DNAAF1: variants seen among roughly 807,000 people sequenced by gnomAD.
DNAAF1 encodes the protein dynein assembly factor 1, axonemal.
DNAAF1 carries 65 observed loss-of-function variants against 71.1 expected under a neutral mutation model. The ratio of observed to expected loss-of-function variants is 0.91; its 90% confidence interval spans 0.75 to 1.12. The LOEUF (loss-of-function observed/expected upper bound fraction) is 1.12. DNAAF1 is among the 50% of genes most tolerant of loss of function. The pLI is 0.00. For synonymous variants in DNAAF1, 414 were observed against 354.6 expected, an observed-to-expected ratio of 1.17 and a Z score of -1.88; for missense variants, 1,178 against 899.8, an observed-to-expected ratio of 1.31 and a Z score of -3.96.
At chr16:84,158,040 C>A (rs1228431355) in intron 5 of DNAAF1, among the ~76,000 whole-genome samples, 2 of 152,000 alleles carry the variant, frequency 1.3e-5, no homozygotes, top group African/African-American at 2.4e-5. Context: ...ACCGTCTCTA[C>A]TAAAAATACA....
intron 5 of DNAAF1, chr16:84,159,126 C>G: frequency 1.0e-6 from 1 of 992,312 alleles, no homozygotes; most frequent in African/African-American, 1.7e-5. Context: ...TTGCCGAGCC[C>G]CTTCCTCCTC....
In DNAAF1 at chr16:84,177,711, T is replaced by TCAC. The variant is rs1363376713; in HGVS notation, c.2066-16_2066-14dup. 1 of 1,606,850 alleles carries TCAC rather than the reference T, an allele frequency of 6.2e-7. No homozygotes were observed. The highest frequency in any genetic ancestry group is 8.5e-7 in the Non-Finnish European group (1 of 1,174,072). ...CACAGTGACAGGGAGAAAGCACAGG[T>TCAC]CACCCTTCCTTCCACAGTGCCGACT... On this transcript the variant is annotated splice_polypyrimidine_tract_variant and intron_variant, in intron 11 of 11. Coordinates refer to ENST00000378553, the MANE Select transcript of DNAAF1 (RefSeq NM_178452.6).
rs747051175 is a variant in DNAAF1, at chr16:84,154,571, T to G, written c.353-6T>G. 30 of 1,613,762 alleles carry G rather than the reference T, an allele frequency of 1.9e-5. No individual in the cohort carries two copies. The highest frequency in any genetic ancestry group is 2.4e-5 in the Non-Finnish European group (28 of 1,179,946). On this transcript the variant is annotated splice_region_variant and splice_polypyrimidine_tract_variant and intron_variant, in intron 3 of 11. Coordinates refer to ENST00000378553, the MANE Select transcript of DNAAF1 (RefSeq NM_178452.6). ...GCTTAATTCCCACGTGCTTCCTTTT[T>G]GTTAGGTTTTGATCGCATTGAGAAC...
chr16:84,150,999 G>A (rs907306436), intron 3 of DNAAF1, among the ~76,000 whole-genome samples: 13 of 152,178 alleles, frequency 8.5e-5, no homozygotes, highest in African/African-American at 3.1e-4. Flanking sequence ...GCAGCTTGAT[G>A]TTGGAAACAA....
chr16:84,176,408 A>AG, intron 11 of DNAAF1, 109 bp downstream of exon 11: 1 of 1,532,144 alleles, frequency 6.5e-7, no homozygotes, highest in Non-Finnish European at 8.9e-7. Flanking sequence ...ATGTTGCTGG[A>AG]GGGGTCACCC....
chr16:84,166,634 A>G (rs1232889351), intron 7 of DNAAF1, among the ~76,000 whole-genome samples: 1 of 152,048 alleles, frequency 6.6e-6, no homozygotes, highest in African/African-American at 2.4e-5. Flanking sequence ...TGGCTTCCCA[A>G]AGTGCTGGGA....
At chr16:84,148,936 C>G (rs774920769) in intron 1 of DNAAF1, 71 bp from the exon 2 acceptor site, 7 of 1,572,404 alleles carry the variant, frequency 4.5e-6, no homozygotes, top group Non-Finnish European at 6.1e-6. Context: ...GGTCATTAAC[C>G]AAGCTGAAGT....
At chr16:84,171,281 C>T (rs2088328215) in intron 8 of DNAAF1, among the ~76,000 whole-genome samples, 1 of 152,092 alleles carries the variant, frequency 6.6e-6, no homozygotes, top group Non-Finnish European at 1.5e-5. Flanking sequence ...CCCGCAACCC[C>T]CAAGCCTCTA....
rs778547498 is a variant in DNAAF1 at position 84,172,283 on chromosome 16, A to C, written c.1552A>C (p.Thr518Pro). Residue 518 changes from threonine to proline, a missense_variant, in exon 9 of 12, where the codon ACT becomes CCT. By Grantham distance (38) the Thr-to-Pro change is conservative (BLOSUM62 -1). Transcript: ENST00000378553. ...AGAACCGACTCCCCAGGCTGTGGCC[A>C]CTGAGGGTGTATTCGTTACAGAACT... is the stretch of plus-strand genomic sequence containing the variant. ...REEPTPQAVATEGVFVTELDG... is the reference protein window; with the variant it reads ...REEPTPQAVAPEGVFVTELDG... The C allele has an allele frequency of 9.9e-6, 16 of 1,614,074 alleles. 1 individual carries two copies. Among genetic ancestry groups the C allele is most frequent in the Non-Finnish European group, 1.4e-5 (16 of 1,180,044 alleles).
At chr16:84,156,226 G>A (rs891943396) in intron 5 of DNAAF1, among the ~76,000 whole-genome samples, 1 of 152,212 alleles carries the variant, frequency 6.6e-6, no homozygotes, top group African/African-American at 2.4e-5. Context: ...ACCTCCCAAA[G>A]TGCTGGGATT....
intron 5 of DNAAF1, chr16:84,159,026 C>G: frequency 8.1e-6 from 8 of 987,088 alleles, no homozygotes; most frequent in Non-Finnish European, 9.6e-6. Flanking sequence ...CCACCATGCC[C>G]AGCCCCACTA....
At chr16:84,164,786 G>A (rs1209830023) in intron 6 of DNAAF1, among the ~76,000 whole-genome samples, 1 of 152,208 alleles carries the variant, frequency 6.6e-6, no homozygotes, top group African/African-American at 2.4e-5. Context: ...ATACTCAGGA[G>A]CACAATTGCT....
chr16:84,146,016 G>C (rs1349725466), intron 1 of DNAAF1, among the ~76,000 whole-genome samples: 1 of 152,126 alleles, frequency 6.6e-6, no homozygotes, highest in Non-Finnish European at 1.5e-5. Flanking sequence ...AGAATCGCTT[G>C]AACCCGGGAG....
chr16:84,148,133 C>T (rs1437102956), intron 1 of DNAAF1, among the ~76,000 whole-genome samples: 2 of 152,066 alleles, frequency 1.3e-5, no homozygotes, highest in Admixed American at 6.5e-5. Flanking sequence ...TACCCCACCC[C>T]GTTTCTAATC....
chr16:84,174,476 C>T (rs2151277603), intron 9 of DNAAF1, 193 bp from the exon 10 acceptor site: 1 of 1,466,884 alleles, frequency 6.8e-7, no homozygotes, highest in Non-Finnish European at 9.0e-7. Context: ...GATCCAGACA[C>T]CTGAGGTGGC....
rs570928611 is a variant in DNAAF1 at position 84,150,275 on chromosome 16, A to T, written c.285A>T (p.Lys95Asn). Residue 95 changes from lysine (K) to asparagine (N), a missense_variant, in exon 3 of 12, where the codon AAA becomes AAT. By Grantham distance (94) the Lys-to-Asn change is moderately conservative (BLOSUM62 0). Coordinates refer to ENST00000378553, the MANE Select transcript of DNAAF1 (RefSeq NM_178452.6). ...GAATGACTAAAAGTTCCCTGCAAAAACTCTGCAAGCAGCACAAGCTTTATA... is the reference window on the plus strand; with the variant it reads ...GAATGACTAAAAGTTCCCTGCAAAATCTCTGCAAGCAGCACAAGCTTTATA... ...GPRMTKSSLQ[K>N]LCKQHKLYIT... 24 of 1,613,852 alleles carry T rather than the reference A, an allele frequency of 1.5e-5. 2 individuals are homozygous for T. In the South Asian group the frequency reaches 2.2e-4, roughly 15 times the overall value.
intron 7 of DNAAF1, 37 bp downstream of exon 7, chr16:84,165,986 C>A: frequency 6.2e-7 from 1 of 1,606,274 alleles, no homozygotes; most frequent in African/African-American, 1.3e-5. Context: ...CCCAGAGTTC[C>A]TTTGAGATTA....
rs768037706 is a variant in DNAAF1, at chr16:84,154,809, C to T, written c.574+11C>T. 6 of 1,604,530 alleles carry T rather than the reference C, an allele frequency of 3.7e-6. No homozygotes were observed. The East Asian group carries it at 1.3e-4, about 36-fold the overall frequency. On this transcript the variant is annotated intron_variant, in intron 4 of 11. Transcript: ENST00000378553. ...CCATTGAAAACCTCTGTAAGGGTAC[C>T]CAGCAAGCAGTGTGTCTGTTTGCCA...
chr16:84,161,904 G>A (rs986974606), intron 6 of DNAAF1, among the ~76,000 whole-genome samples: 9 of 151,968 alleles, frequency 5.9e-5, no homozygotes, highest in African/African-American at 2.2e-4. Context: ...TGTCTTCCCC[G>A]ACTAAAAGGG....
Sources: gnomAD v4.1 joint callset for allele counts (sites outside exome capture counted in the v4.1 genomes callset) on GRCh38, gnomAD v4.1.1 for gene constraint, MANE v1.5 for transcripts, NCBI Gene and HGNC (gene_info 2026-07-23, HGNC 2026-07-21) for gene names.